Variants in ANK3 observed in about 807,000 individuals in gnomAD.
ANK3 encodes the protein ankyrin 3, also known as ankyrin-3.
A neutral mutation model predicts 370.9 loss-of-function variants in ANK3; 57 were observed. That is an observed-to-expected ratio of 0.15 (90% CI 0.12 to 0.19). The LOEUF is 0.19. ANK3 is among the 10% of genes least tolerant of loss of function. ANK3 has a pLI of 1.00. For missense variants in ANK3, 4,439 were observed against 5,302.1 expected (o/e 0.84, Z 5.06); for synonymous variants, 1,929 against 1,946.3 (o/e 0.99, Z 0.23).
intron 2 of ANK3, among the ~76,000 whole-genome samples, chr10:60,490,496 T>C (rs2075467952): frequency 1.3e-5 from 2 of 152,138 alleles, no homozygotes; most frequent in African/African-American, 4.8e-5. Flanking sequence ...AAGACTTGGG[T>C]AGACTCAGAA....
intron 25 of ANK3, among the ~76,000 whole-genome samples, chr10:60,130,447 T>G (rs2093998281): frequency 6.6e-6 from 1 of 152,232 alleles, no homozygotes; most frequent in Admixed American, 6.5e-5. Context: ...TTTTCACCTT[T>G]ACTTGTCAGG....
Position 60,196,628 on chromosome 10 carries a change from G to GAA in ANK3, c.1690-5_1690-4dup, listed in dbSNP as rs34796699. The GAA allele has an allele frequency of 6.5e-3, 8,143 of 1,247,256 alleles. 51 individuals are homozygous for GAA. Among genetic ancestry groups the GAA allele is most frequent in the African/African-American group, 0.048 (3,000 of 62,910 alleles). The allele number at this position is 1,247,256 out of a possible 1,614,324, so 77.3% of individuals were successfully genotyped here. ...ACATGAAGAGGAGTAAATCCTTTCTGAAAAAAAAAAAACATAAAAATAATG... is the reference window on the plus strand; with the variant it reads ...ACATGAAGAGGAGTAAATCCTTTCTGAAAAAAAAAAAAAACATAAAAATAATG... On this transcript the variant is annotated splice_polypyrimidine_tract_variant and splice_region_variant and intron_variant, in intron 14 of 43. Coordinates refer to ENST00000280772, the MANE Select transcript of ANK3 (RefSeq NM_020987.5).
At chr10:60,504,675 T>C (rs1423976708) in intron 2 of ANK3, among the ~76,000 whole-genome samples, 2 of 152,092 alleles carry the variant, frequency 1.3e-5, no homozygotes, top group Admixed American at 6.5e-5. Flanking sequence ...CTAGTTTGCA[T>C]GAAGTATGGG....
chr10:60,647,852 CTTT>C (rs10591129), intron 1 of ANK3, among the ~76,000 whole-genome samples: 34 of 144,392 alleles, frequency 2.4e-4, no homozygotes, highest in South Asian at 1.3e-3. Flanking sequence ...CAAAATTTGC[CTTT>C]TTTTTTTTTT....
chr10:60,459,870 G>C (rs1212100240), intron 2 of ANK3, among the ~76,000 whole-genome samples: 1 of 152,036 alleles, frequency 6.6e-6, no homozygotes, highest in African/African-American at 2.4e-5. Context: ...TTATCTGAAA[G>C]CCATCTGTCT....
rs1590596796 is a variant in ANK3 at position 60,134,292 on chromosome 10, G to C, written c.2820C>G (p.Leu940=). Residue 940 remains leucine, a synonymous_variant, in exon 25 of 44, where the codon CTC becomes CTG. Transcript: ENST00000280772. The part of the protein sequence containing the change: ...YARDSMMIEE[L]LVPSKEQHLT... ...ATACCTGCTCTTTGGATGGCACAAG[G>C]AGTTCTTCAATCATCATGCTGTCCC... 6.2e-7 allele frequency: 1 copy of C among 1,613,872 alleles called. No individual in the cohort carries two copies. The highest frequency in any genetic ancestry group is 2.2e-5 in the East Asian group (1 of 44,830).
chr10:60,508,326 T>A (rs1001568539), intron 2 of ANK3: 16 of 152,568 alleles, frequency 1.0e-4, no homozygotes, highest in Admixed American at 2.6e-4. Flanking sequence ...GCAAAGTGAA[T>A]CTCATTTTTC....
chr10:60,622,452 A>G (rs2078350954), intron 1 of ANK3, among the ~76,000 whole-genome samples: 1 of 152,056 alleles, frequency 6.6e-6, no homozygotes, highest in Non-Finnish European at 1.5e-5. Flanking sequence ...CATGTTGGTC[A>G]GGCTGGTCTC....
intron 23 of ANK3, among the ~76,000 whole-genome samples, chr10:60,163,402 T>A (rs1328441667): frequency 6.6e-6 from 1 of 152,206 alleles, no homozygotes; most frequent in African/African-American, 2.4e-5. Context: ...TTGCTTGACT[T>A]CTTCTACGGC....
chr10:60,074,849 G>A lies in ANK3; in HGVS notation c.6032C>T (p.Ser2011Phe). ...TTTTACTTGCACTCTCTCTGGCAGA[G>A]ATGGAGACTGGCTCGCAGCAGCTTG... The part of the protein sequence containing the change: ...RQQAAASQSP[S>F]LPERVQVKAK... The change falls in exon 37 of 44, where the codon TCT becomes TTT. Residue 2011 changes from serine (S) to phenylalanine (F), a missense_variant. Ser to Phe is a radical substitution (Grantham distance 155, BLOSUM62 -2). Around this residue, in one of 13 missense-constraint regions of ANK3, gnomAD observed 679 missense variants for 791.0 expected, o/e 0.86. Coordinates refer to ENST00000280772, the MANE Select transcript of ANK3 (RefSeq NM_020987.5). The A allele has an allele frequency of 1.2e-6, 2 of 1,613,652 alleles. No individual in the cohort carries two copies. The highest frequency in any genetic ancestry group is 1.7e-6 in the Non-Finnish European group (2 of 1,179,904).
intron 2 of ANK3, among the ~76,000 whole-genome samples, chr10:60,481,952 AG>A (rs1479927494): frequency 6.6e-6 from 1 of 152,188 alleles, no homozygotes; most frequent in Admixed American, 6.5e-5. Context: ...TCCTTAAAAC[AG>A]GCATGTCCAG....
Position 60,310,807 on chromosome 10 carries a change from A to G in ANK3, c.115-31168T>C, listed in dbSNP as rs528891887. Among the ~76,000 whole-genome samples, 5 of 152,348 alleles carry G rather than the reference A, an allele frequency of 3.3e-5. No homozygotes were observed. In the South Asian group the frequency reaches 1.0e-3, roughly 32 times the overall value. On this transcript the variant is annotated intron_variant, in intron 1 of 43. Transcript: ENST00000280772. ...AGAAATTCAAAAAGGAGGTAGAACT[A>G]AATATCTTCATTCATCACTCCTCTC...
rs569954125 is a variant in ANK3, at chr10:60,569,272, T to C, written c.96+45914A>G. Reference sequence around the variant, plus strand: ...TGATGACCACTTCGAGGTTAGGTGTTATCATTTTAAAAACTTTAAAAAATA... The same window carrying C: ...TGATGACCACTTCGAGGTTAGGTGTCATCATTTTAAAAACTTTAAAAAATA... On this transcript the variant is annotated intron_variant, in intron 2 of 43. Coordinates refer to the ANK3 transcript ENST00000373827. 1.8e-4 allele frequency among the ~76,000 whole-genome samples: 28 copies of C among 152,318 alleles called. No individual in the cohort carries two copies. In the South Asian group the frequency reaches 5.6e-3, roughly 30 times the overall value.
At position 60,059,328 on chromosome 10, in the gene ANK3, A is replaced by C. The variant is rs527533644; in HGVS notation, c.12686+12T>G. Reference sequence around the variant, plus strand: ...ACCTGTGTTCACTTTCCTTTTTTTGAAACAGCCATACCTGTCATCCAGTCG... The same window carrying C: ...ACCTGTGTTCACTTTCCTTTTTTTGCAACAGCCATACCTGTCATCCAGTCG... On this transcript the variant is annotated intron_variant, in intron 41 of 43. Transcript: ENST00000280772. 8.1e-6 allele frequency: 13 copies of C among 1,611,808 alleles called. No homozygotes were observed. In the East Asian group the frequency reaches 2.9e-4, roughly 36 times the overall value.
intron 24 of ANK3, among the ~76,000 whole-genome samples, chr10:60,137,867 A>G (rs1179147567): frequency 2.6e-5 from 4 of 152,164 alleles, no homozygotes; most frequent in Non-Finnish European, 4.4e-5. Flanking sequence ...GGATCTCAAG[A>G]ACCTTAAAAG....
At chr10:60,684,599 G>C in intron 1 of ANK3, 2 of 1,589,558 alleles carry the variant, frequency 1.3e-6, no homozygotes, top group South Asian at 2.2e-5. Context: ...GACTGTGCTG[G>C]AAAGACAACT....
At chr10:60,456,511 T>G (rs922726278) in intron 2 of ANK3, among the ~76,000 whole-genome samples, 1 of 152,290 alleles carries the variant, frequency 6.6e-6, no homozygotes, top group East Asian at 1.9e-4. Context: ...GTCCTGACAC[T>G]ATTCGCCTAA....
intron 40 of ANK3, chr10:60,059,668 C>G: frequency 6.3e-7 from 1 of 1,579,430 alleles, no homozygotes; most frequent in East Asian, 2.2e-5. Context: ...GGGGACCCAG[C>G]CAAATTTCCA....
At chr10:60,399,383 C>A (rs2063309388) in intron 2 of ANK3, among the ~76,000 whole-genome samples, 1 of 152,232 alleles carries the variant, frequency 6.6e-6, no homozygotes, top group Non-Finnish European at 1.5e-5. Flanking sequence ...TCACCCCATC[C>A]TCCTCCCTCC....
Sources: allele counts gnomAD v4.1 joint callset (sites outside exome capture counted in the v4.1 genomes callset), GRCh38; gene constraint gnomAD v4.1.1; regional missense constraint gnomAD v4.1.1; transcripts MANE v1.5; gene names NCBI Gene and HGNC (gene_info 2026-07-23, HGNC 2026-07-21).